NRXN1: variants seen among roughly 807,000 people sequenced by gnomAD.
NRXN1 encodes neurexin 1.
A neutral mutation model predicts 150.9 loss-of-function variants in NRXN1; 39 were observed. The ratio of observed to expected loss-of-function variants is 0.26; its 90% CI spans 0.20 to 0.34. NRXN1 has a LOEUF of 0.34. NRXN1 is among the 10% of genes least tolerant of loss of function. The pLI is 1.00. For synonymous variants in NRXN1, 924 were observed against 757.0 expected (o/e 1.22, Z -3.62); for missense variants, 1,815 against 1,949.9 (o/e 0.93, Z 1.30).
At chr2:50,517,720 G>A (rs992326948) in intron 12 of NRXN1, among the ~76,000 whole-genome samples, 8 of 152,046 alleles carry the variant, frequency 5.3e-5, no homozygotes, top group African/African-American at 1.7e-4. Flanking sequence ...AATAACTTCC[G>A]AGTCCAAAGG....
At chr2:50,588,199 T>G (rs1673485805) in intron 8 of NRXN1, among the ~76,000 whole-genome samples, 1 of 152,214 alleles carries the variant, frequency 6.6e-6, no homozygotes, top group African/African-American at 2.4e-5. Flanking sequence ...AAATATATGT[T>G]TTTAAAAAAC....
chr2:50,742,994 G>A (rs543257883), intron 5 of NRXN1, among the ~76,000 whole-genome samples: 2 of 152,208 alleles, frequency 1.3e-5, no homozygotes, highest in East Asian at 3.8e-4. Context: ...AGAACTTGCT[G>A]TAGCACATGT....
Position 50,077,051 on chromosome 2 carries a change from A to G in NRXN1, c.3718+14272T>C, listed in dbSNP as rs554061124. Among the ~76,000 whole-genome samples, 178 of 152,296 alleles carry G rather than the reference A, an allele frequency of 1.2e-3. 1 individual carries two copies. The highest frequency in any genetic ancestry group is 2.1e-3 in the Non-Finnish European group (145 of 68,024). On this transcript the variant is annotated intron_variant, in intron 19 of 22. Coordinates refer to ENST00000401669, the MANE Select transcript of NRXN1 (RefSeq NM_001330078.2). ...ACCTATGGTGTTGGCAAGTAAATGAATCTCCCTGTGTTTGCTCATTTATCA... is the reference window on the plus strand; with the variant it reads ...ACCTATGGTGTTGGCAAGTAAATGAGTCTCCCTGTGTTTGCTCATTTATCA...
intron 5 of NRXN1, among the ~76,000 whole-genome samples, chr2:50,639,296 T>C (rs781530767): frequency 6.6e-5 from 10 of 150,494 alleles, no homozygotes; most frequent in African/African-American, 2.4e-4. Context: ...TCTCAGCTCA[T>C]TGCAATCTCC....
intron 5 of NRXN1, among the ~76,000 whole-genome samples, chr2:50,702,355 TGA>T (rs1491151294): frequency 9.9e-4 from 2 of 2,016 alleles, no homozygotes; most frequent in Non-Finnish European, 2.4e-3. Flanking sequence ...AATGTTGTAA[TGA>T]AAAAAAAAAA....
chr2:50,547,727 A>G (rs993292121), intron 9 of NRXN1, among the ~76,000 whole-genome samples: 3 of 152,176 alleles, frequency 2.0e-5, no homozygotes, highest in African/African-American at 7.2e-5. Flanking sequence ...CTGATTCACT[A>G]AATCATGCCT....
At chr2:50,858,288 A>G (rs1334752300) in intron 5 of NRXN1, among the ~76,000 whole-genome samples, 5 of 152,104 alleles carry the variant, frequency 3.3e-5, no homozygotes, top group Admixed American at 6.6e-5. Context: ...GCTTTGATGA[A>G]CAAAACACAA....
intron 5 of NRXN1, among the ~76,000 whole-genome samples, chr2:50,921,279 T>C (rs1685993031): frequency 6.6e-6 from 1 of 151,772 alleles, no homozygotes; most frequent in Non-Finnish European, 1.5e-5. Flanking sequence ...TACCAAGCAA[T>C]GCGGGAATGC....
At chr2:50,924,672 A>T (rs1444013097) in intron 3 of NRXN1, among the ~76,000 whole-genome samples, 1 of 151,762 alleles carries the variant, frequency 6.6e-6, no homozygotes, top group Non-Finnish European at 1.5e-5. Flanking sequence ...GTATACAAAA[A>T]CAGAAGCCAT....
chr2:50,496,455 C>T (rs1014532461), intron 14 of NRXN1, among the ~76,000 whole-genome samples: 6 of 152,156 alleles, frequency 3.9e-5, no homozygotes, highest in African/African-American at 1.2e-4. Flanking sequence ...CTTGCACTTG[C>T]TTTTCTCCTC....
At chr2:49,970,689 G>A (rs556994517) in intron 21 of NRXN1, 4 of 152,114 alleles carry the variant, frequency 2.6e-5, no homozygotes, top group Non-Finnish European at 5.9e-5. Flanking sequence ...TAACTCTAGT[G>A]TAAATTTTAA....
At chr2:50,377,169 T>C (rs796879521) in intron 17 of NRXN1, among the ~76,000 whole-genome samples, 19 of 152,210 alleles carry the variant, frequency 1.2e-4, no homozygotes, top group African/African-American at 4.6e-4. Context: ...TGTGCGATGG[T>C]GGTTTGCTGC....
At chr2:49,999,883 C>T (rs1340966088) in intron 21 of NRXN1, among the ~76,000 whole-genome samples, 1 of 152,174 alleles carries the variant, frequency 6.6e-6, no homozygotes, top group African/African-American at 2.4e-5. Flanking sequence ...TTCCTACCTT[C>T]ACCCCAAGAA....
At chr2:50,815,358 T>A (rs952949438) in intron 5 of NRXN1, among the ~76,000 whole-genome samples, 1 of 152,180 alleles carries the variant, frequency 6.6e-6, no homozygotes, top group Admixed American at 6.6e-5. Flanking sequence ...CATTTTAAAC[T>A]TATTATTTGA....
chr2:49,974,377 T>A (rs1678567759), intron 21 of NRXN1, among the ~76,000 whole-genome samples: 1 of 152,132 alleles, frequency 6.6e-6, no homozygotes, highest in Non-Finnish European at 1.5e-5. Flanking sequence ...CGAGACCGCA[T>A]AGGTAAACAG....
chr2:50,510,026 G>T (rs2092389591), intron 12 of NRXN1, among the ~76,000 whole-genome samples: 1 of 152,004 alleles, frequency 6.6e-6, no homozygotes, highest in African/African-American at 2.4e-5. Flanking sequence ...CAGGAAGAAG[G>T]CCCTCACCAA....
chr2:50,314,456 A>G (rs1246196422), intron 17 of NRXN1, among the ~76,000 whole-genome samples: 1 of 152,094 alleles, frequency 6.6e-6, no homozygotes, highest in East Asian at 1.9e-4. Context: ...CAATTAAAAC[A>G]AAGAGTTTCC....
At chr2:50,766,171 G>T (rs1351071222) in intron 5 of NRXN1, among the ~76,000 whole-genome samples, 3 of 151,912 alleles carry the variant, frequency 2.0e-5, no homozygotes, top group Admixed American at 6.6e-5. Flanking sequence ...TAGAAATCAG[G>T]GAGGAAGAGG....
intron 15 of NRXN1, among the ~76,000 whole-genome samples, chr2:50,492,849 C>T (rs1252598230): frequency 6.6e-6 from 1 of 152,176 alleles, no homozygotes; most frequent in African/African-American, 2.4e-5. Context: ...TAAATTTGGC[C>T]TCAACATAGA....
Sources: allele counts gnomAD v4.1 joint callset (sites outside exome capture counted in the v4.1 genomes callset), GRCh38; gene constraint gnomAD v4.1.1; transcripts MANE v1.5; gene names NCBI Gene and HGNC (gene_info 2026-07-23, HGNC 2026-07-21).